Variants in ALK observed in about 807,000 individuals in gnomAD.
The protein encoded by ALK is ALK tyrosine kinase receptor.
ALK carries 74 observed loss-of-function variants against 163.1 expected under a neutral mutation model. The ratio of observed to expected loss-of-function variants is 0.45; its 90% CI spans 0.38 to 0.55. The LOEUF is 0.55. Ranked by LOEUF, ALK falls within the 20% of genes least tolerant of loss-of-function variation. The pLI is 0.00. For missense variants in ALK, 2,063 were observed against 2,105.3 expected (o/e 0.98, Z 0.39); for synonymous variants, 960 against 843.2 (o/e 1.14, Z -2.40).
chr2:29,429,387 A>T (rs1257644169), intron 4 of ALK, among the ~76,000 whole-genome samples: 1 of 152,082 alleles, frequency 6.6e-6, no homozygotes, highest in South Asian at 2.1e-4. Flanking sequence ...TATTAGAACT[A>T]ATAAGTTCAG....
chr2:29,619,895 G>A (rs997864213), intron 3 of ALK, among the ~76,000 whole-genome samples: 2 of 152,170 alleles, frequency 1.3e-5, no homozygotes, highest in Admixed American at 1.3e-4. Flanking sequence ...GTCATTATGG[G>A]CTGCATCAGG....
chr2:29,730,389 G>T (rs886927651), intron 1 of ALK, among the ~76,000 whole-genome samples: 1 of 152,164 alleles, frequency 6.6e-6, no homozygotes, highest in African/African-American at 2.4e-5. Flanking sequence ...AGGAGGTACA[G>T]TACATTGATT....
At chr2:29,851,459 GGTCT>G (rs765321892) in intron 1 of ALK, among the ~76,000 whole-genome samples, 5 of 151,948 alleles carry the variant, frequency 3.3e-5, no homozygotes, top group Non-Finnish European at 7.4e-5. Context: ...CCTTCCTCTT[GGTCT>G]GTCTAAGAGC....
At chr2:29,514,643 G>A (rs1310562025) in intron 4 of ALK, among the ~76,000 whole-genome samples, 3 of 152,126 alleles carry the variant, frequency 2.0e-5, no homozygotes, top group African/African-American at 4.8e-5. Context: ...ACTGAAGTTT[G>A]TACTTTTCTC....
chr2:29,866,998 T>C (rs1486072025), intron 1 of ALK, among the ~76,000 whole-genome samples: 1 of 152,164 alleles, frequency 6.6e-6, no homozygotes, highest in Non-Finnish European at 1.5e-5. Context: ...CATACACTGG[T>C]TCAATAATTG....
At chr2:29,828,996 T>C (rs1203448234) in intron 1 of ALK, among the ~76,000 whole-genome samples, 1 of 151,864 alleles carries the variant, frequency 6.6e-6, no homozygotes, top group East Asian at 1.9e-4. Context: ...TAAAAAATGA[T>C]GAGTTCATGT....
At chr2:29,342,945 C>T (rs962045261) in intron 5 of ALK, among the ~76,000 whole-genome samples, 12 of 141,556 alleles carry the variant, frequency 8.5e-5, no homozygotes, top group East Asian at 2.1e-4. Context: ...TGCAGTGGCG[C>T]GATCTCTGCC....
intron 1 of ALK, among the ~76,000 whole-genome samples, chr2:29,775,601 C>T (rs1192861750): frequency 1.3e-5 from 2 of 151,884 alleles, no homozygotes; most frequent in Admixed American, 1.3e-4. Flanking sequence ...CTGTTTATAC[C>T]TTTAGGGCAG....
intron 5 of ALK, among the ~76,000 whole-genome samples, chr2:29,352,063 G>A (rs1183342498): frequency 6.6e-6 from 1 of 152,152 alleles, no homozygotes; most frequent in East Asian, 1.9e-4. Context: ...TTGGAGGAGG[G>A]AGATGCTGTA....
chr2:29,717,496 T>C (rs1029878184), intron 2 of ALK, 82 bp downstream of exon 2: 13 of 1,553,670 alleles, frequency 8.4e-6, no homozygotes, highest in Non-Finnish European at 1.2e-5. Context: ...TGGAGCACTA[T>C]GAATCCCAAA....
intron 5 of ALK, among the ~76,000 whole-genome samples, chr2:29,336,377 C>T (rs928997079): frequency 6.6e-6 from 1 of 152,208 alleles, no homozygotes; most frequent in Non-Finnish European, 1.5e-5. Context: ...CTTTCCAAAG[C>T]CACACACCCA....
At chr2:29,358,756 A>G (rs1246887087) in intron 5 of ALK, among the ~76,000 whole-genome samples, 1 of 152,152 alleles carries the variant, frequency 6.6e-6, no homozygotes, top group African/African-American at 2.4e-5. Context: ...ATTTTCTCCC[A>G]TTTGGAATCA....
Position 29,193,102 on chromosome 2 carries a change from C to T in ALK, c.*122G>A. On this transcript the variant is annotated 3_prime_UTR_variant, in exon 29 of 29. Coordinates refer to ENST00000389048, the MANE Select transcript of ALK (RefSeq NM_004304.5). ...AAATACAGCTTTTTTGGTGGTACTT[C>T]AAAATAGGTTGGCACAAAACAAAAC... is the stretch of plus-strand genomic sequence containing the variant. 8.7e-7 allele frequency: 1 copy of T among 1,143,544 alleles called. No individual in the cohort carries two copies. The highest frequency in any genetic ancestry group is 1.3e-5 in the South Asian group (1 of 74,682). 70.8% of individuals were successfully genotyped at this position (1,143,544 alleles called of 1,614,324 possible). A position where few individuals can be genotyped will look rare whatever the true frequency, so the allele number is the denominator to read the frequency against.
chr2:29,823,382 A>C (rs1030385941), intron 1 of ALK, among the ~76,000 whole-genome samples: 8 of 152,228 alleles, frequency 5.3e-5, no homozygotes, highest in Non-Finnish European at 1.2e-4. Context: ...AAAATGTGGA[A>C]GCGACTTTGG....
At chr2:29,469,743 T>C (rs1057332813) in intron 4 of ALK, among the ~76,000 whole-genome samples, 5 of 152,214 alleles carry the variant, frequency 3.3e-5, no homozygotes, top group South Asian at 2.1e-4. Flanking sequence ...TAGTCATTCA[T>C]TGAGACTTCA....
intron 5 of ALK, among the ~76,000 whole-genome samples, chr2:29,363,095 T>C (rs945860067): frequency 6.6e-6 from 1 of 152,234 alleles, no homozygotes; most frequent in Non-Finnish European, 1.5e-5. Flanking sequence ...TACTTGCCTC[T>C]TCCTCTCTCC....
At chr2:29,333,334 T>C (rs1407715804) in intron 5 of ALK, among the ~76,000 whole-genome samples, 1 of 152,214 alleles carries the variant, frequency 6.6e-6, no homozygotes, top group African/African-American at 2.4e-5. Context: ...CAGGCTGGTC[T>C]TGAACTCCTG....
intron 4 of ALK, among the ~76,000 whole-genome samples, chr2:29,444,787 C>T (rs1213785584): frequency 6.6e-6 from 1 of 152,158 alleles, no homozygotes; most frequent in African/African-American, 2.4e-5. Flanking sequence ...AGGCACTGTG[C>T]ATTCCTCTTT....
At chr2:29,719,130 G>A (rs548795431) in intron 1 of ALK, among the ~76,000 whole-genome samples, 79 of 152,270 alleles carry the variant, frequency 5.2e-4, no homozygotes, top group Non-Finnish European at 9.4e-4. Flanking sequence ...GCTTATTAAA[G>A]GCCCTTGTGC....
Sources: allele counts gnomAD v4.1 joint callset (sites outside exome capture counted in the v4.1 genomes callset), GRCh38; gene constraint gnomAD v4.1.1; transcripts MANE v1.5; gene names NCBI Gene and HGNC (gene_info 2026-07-23, HGNC 2026-07-21).